PARP2: variants seen among roughly 807,000 people sequenced by gnomAD.
PARP2 encodes poly [ADP-ribose] polymerase 2.
A neutral mutation model predicts 77.8 loss-of-function variants in PARP2; 57 were observed. That is an observed-to-expected ratio of 0.73 (90% CI 0.59 to 0.91). PARP2 has a LOEUF of 0.91. Ranked by LOEUF, PARP2 falls within the 40% of genes least tolerant of loss-of-function variation. The pLI, the probability that PARP2 is intolerant of heterozygous loss-of-function variation, is 0.00. For missense variants in PARP2, 651 were observed against 689.0 expected, an observed-to-expected ratio of 0.94 and a Z score of 0.62; for synonymous variants, 226 against 242.6, an observed-to-expected ratio of 0.93 and a Z score of 0.64.
At chr14:20,343,811 T>G in intron 1 of PARP2, 124 bp downstream of exon 1, 1 of 1,019,362 alleles carries the variant, frequency 9.8e-7, no homozygotes, top group Non-Finnish European at 1.5e-6. Flanking sequence ...ACCAAACCAG[T>G]TGGGGTGCTA....
At position 20,346,920 on chromosome 14, in the gene PARP2, G is replaced by A; in HGVS notation, c.324+7G>A. 2 of 1,574,606 alleles carry A rather than the reference G, an allele frequency of 1.3e-6. No homozygotes were observed. The highest frequency in any genetic ancestry group is 1.7e-6 in the Non-Finnish European group (2 of 1,145,448). ...TGATGTCATGCTAAATCAGGTAAGA[G>A]GCAAGAAGAGGTGGCACCATTATAT... On this transcript the variant is annotated splice_region_variant and intron_variant, in intron 4 of 15. Transcript: ENST00000429687.
chr14:20,355,963 T>G lies in PARP2; in HGVS notation c.1033T>G (p.Leu345Val), dbSNP rs3093929. ...AGAGCTACAAAGCCCAGAACACCCA[T>G]TGGACCAACACTATAGAAACCTACA... is the stretch of plus-strand genomic sequence containing the variant. ...KTELQSPEHP[L>V]DQHYRNLHCA... The change falls in exon 11 of 16, where the codon TTG (leucine) becomes GTG (valine). Residue 345 changes from leucine to valine, a missense_variant. Leu to Val is a conservative substitution (Grantham distance 32, BLOSUM62 1). Coordinates refer to ENST00000429687, the MANE Select transcript of PARP2 (RefSeq NM_001042618.2). 6.2e-7 allele frequency: 1 copy of G among 1,613,978 alleles called. No individual in the cohort carries two copies. Among genetic ancestry groups the G allele is most frequent in the East Asian group, 2.2e-5 (1 of 44,902 alleles).
At chr14:20,347,616 G>A (rs1348886016) in intron 4 of PARP2, among the ~76,000 whole-genome samples, 2 of 147,980 alleles carry the variant, frequency 1.4e-5, no homozygotes, top group African/African-American at 5.0e-5. Flanking sequence ...TCACCATGTT[G>A]GCCAGGCTGG....
intron 3 of PARP2, among the ~76,000 whole-genome samples, 184 bp downstream of exon 3, chr14:20,345,648 G>T (rs1008316382): frequency 6.6e-6 from 1 of 152,160 alleles, no homozygotes; most frequent in Non-Finnish European, 1.5e-5. Flanking sequence ...AATAATCAGG[G>T]TGTTTTTTAA....
At position 20,355,826 on chromosome 14, in the gene PARP2, T is replaced by C. The variant is rs1462652277; in HGVS notation, c.966+11T>C. The C allele has an allele frequency of 6.2e-7, 1 of 1,613,148 alleles. No individual in the cohort carries two copies. The highest frequency in any genetic ancestry group is 1.7e-5 in the Admixed American group (1 of 60,010). ...ATACAATTACTAGAGGTGAGATATGTATGATTTGAGAAGTATTATATCCCT... is the reference window on the plus strand; with the variant it reads ...ATACAATTACTAGAGGTGAGATATGCATGATTTGAGAAGTATTATATCCCT... On this transcript the variant is annotated intron_variant, in intron 10 of 15. Transcript: ENST00000429687.
chr14:20,347,599 TG>T lies in PARP2; in HGVS notation c.324+690del, dbSNP rs1883815582. 2.0e-5 allele frequency among the ~76,000 whole-genome samples: 3 copies of T among 147,752 alleles called. No individual in the cohort carries two copies. In the Admixed American group the frequency reaches 2.0e-4, roughly 10 times the overall value. On this transcript the variant is annotated intron_variant, in intron 4 of 15. Coordinates refer to ENST00000429687, the MANE Select transcript of PARP2 (RefSeq NM_001042618.2). ...AATTTTTTGGTATTTTTAGTAGAGATGGGGTTTCACCATGTTGGCCAGGCTG... is the reference window on the plus strand; with the variant it reads ...AATTTTTTGGTATTTTTAGTAGAGATGGGTTTCACCATGTTGGCCAGGCTG...
intron 7 of PARP2, chr14:20,352,558 CTT>C (rs374239476): frequency 9.3e-6 from 2 of 215,654 alleles, no homozygotes; most frequent in South Asian, 1.4e-4. Context: ...GATTTTTTTT[CTT>C]TTTTTTTTGT....
At chr14:20,347,356 G>GTATACATATATATA in intron 4 of PARP2, among the ~76,000 whole-genome samples, 1 of 29,574 alleles carries the variant, frequency 3.4e-5, no homozygotes, top group African/African-American at 1.6e-4. Context: ...ATGTGTGTGT[G>GTATACATATATATA]TATATATATA....
rs1283794273 is a variant in PARP2 at position 20,356,424 on chromosome 14, C to A, written c.1219C>A (p.Leu407Ile). 1.2e-6 allele frequency: 2 copies of A among 1,614,052 alleles called. No homozygotes were observed. The highest frequency in any genetic ancestry group is 1.3e-5 in the African/African-American group (1 of 74,918). Reference protein sequence around the residue: ...DGEKEAFREDLHNRMLLWHGS... With the variant: ...DGEKEAFREDIHNRMLLWHGS... ...TGAGAAAGAAGCCTTCAGAGAGGAC[C>A]TTCATAACAGGTCTGAGTCTAGCTT... is the stretch of plus-strand genomic sequence containing the variant. The change falls in exon 12 of 16, where the codon CTT becomes ATT. Residue 407 changes from leucine to isoleucine, a missense_variant. Physicochemically the swap from Leu to Ile is conservative, Grantham distance 5. Transcript: ENST00000429687.
Position 20,357,076 on chromosome 14 carries a change from A to G in PARP2, c.1355A>G (p.Asp452Gly). ...YMFGKGIYFA[D>G]MSSKSANYCF... ...TTTGGGAAAGGAATCTACTTTGCTG[A>G]CATGTCTTCCAAGAGTGCCAATTAC... is the stretch of plus-strand genomic sequence containing the variant. The change falls in exon 14 of 16, where the codon GAC (aspartate) becomes GGC (glycine). Residue 452 changes from aspartate to glycine, a missense_variant. By Grantham distance (94) the Asp-to-Gly change is moderately conservative. Coordinates refer to ENST00000429687, the MANE Select transcript of PARP2 (RefSeq NM_001042618.2). 1 of 1,612,116 alleles carries G rather than the reference A, an allele frequency of 6.2e-7. No individual in the cohort carries two copies. The highest frequency in any genetic ancestry group is 1.1e-5 in the South Asian group (1 of 91,036).
chr14:20,346,625 T>C (rs1167999724), intron 3 of PARP2: 2 of 391,200 alleles, frequency 5.1e-6, no homozygotes, highest in Non-Finnish European at 9.5e-6. Context: ...TGAGCCACCA[T>C]GCGCAGCCTA....
Position 20,354,807 on chromosome 14 carries a change from A to C in PARP2, c.764-2A>C. On this transcript the variant is annotated splice_acceptor_variant, in intron 8 of 15. Transcript: ENST00000429687. LOFTEE classifies it high-confidence loss of function. ...GAGTCTGATCTCTGGGTGGGCCTGC[A>C]GGGAAGCTGACAGTGGCACAAATCA... The C allele has an allele frequency of 5.0e-6, 8 of 1,610,788 alleles. No homozygotes were observed. The highest frequency in any genetic ancestry group is 6.8e-6 in the Non-Finnish European group (8 of 1,178,410).
chr14:20,349,106 A>G (rs1883870430), intron 4 of PARP2, among the ~76,000 whole-genome samples: 1 of 152,190 alleles, frequency 6.6e-6, no homozygotes, highest in African/African-American at 2.4e-5. Flanking sequence ...TCGGAGGCCA[A>G]GGCTGGAGAA....
rs371893372 is a variant in PARP2 at position 20,356,366 on chromosome 14, C to G, written c.1161C>G (p.Thr387=). ...HAPTHSDYTM[T]LLDLFEVEKD... ...CCACACACAGCGACTATACCATGAC[C>G]TTGCTGGATTTGTTTGAAGTGGAGA... Residue 387 remains threonine (T), a synonymous_variant, in exon 12 of 16, where the codon ACC becomes ACG. Coordinates refer to ENST00000429687, the MANE Select transcript of PARP2 (RefSeq NM_001042618.2). 125 of 1,613,936 alleles carry G rather than the reference C, an allele frequency of 7.7e-5. 1 individual carries two copies. The highest frequency in any genetic ancestry group is 1.0e-4 in the Non-Finnish European group (119 of 1,179,954).
chr14:20,357,471 AC>A lies in PARP2; in HGVS notation c.1506del (p.Lys503ArgfsTer16), dbSNP rs773809323. ...AGGATTGCTTCAAGGTAAACATAGC[AC>A]CAAGGGGCTGGGCAAGATGGCTCCC... is the stretch of plus-strand genomic sequence containing the variant. ...AEGLLQGKHSTKGLGKMAPSS... is the reference protein window; with the variant it reads ...AEGLLQGKHSXKGLGKMAPSS... On this transcript the variant is annotated frameshift_variant, in exon 15 of 16. Transcript: ENST00000429687. LOFTEE classifies it high-confidence loss of function. The A allele has an allele frequency of 1.9e-6, 3 of 1,613,964 alleles. No homozygotes were observed. The highest frequency in any genetic ancestry group is 3.3e-4 in the Middle Eastern group (2 of 6,060).
chr14:20,351,054 A>G lies in PARP2; in HGVS notation c.429A>G (p.Lys143=). 1.2e-6 allele frequency: 2 copies of G among 1,613,888 alleles called. No homozygotes were observed. The highest frequency in any genetic ancestry group is 1.1e-5 in the South Asian group (1 of 91,064). ...SVWMRWGRVG[K]MGQHSLVACS... ...GTGGCATTTCCTTTGCAGTTGGGAA[A>G]ATGGGACAGCACAGCCTGGTGGCTT... The change falls in exon 6 of 16, where the codon AAA becomes AAG. Residue 143 remains lysine, a synonymous_variant. Transcript: ENST00000429687.
chr14:20,353,322 C>A (rs1410655857), intron 7 of PARP2, among the ~76,000 whole-genome samples: 1 of 151,664 alleles, frequency 6.6e-6, no homozygotes, highest in Non-Finnish European at 1.5e-5. Flanking sequence ...GCTCACTGCA[C>A]GCTCCGCCTC....
At chr14:20,356,069 C>G in intron 11 of PARP2, 38 bp downstream of exon 11, 1 of 1,601,076 alleles carries the variant, frequency 6.2e-7, no homozygotes, top group Non-Finnish European at 8.5e-7. Context: ...ATTCTTGCAC[C>G]CTTAACCACC....
chr14:20,344,767 C>T (rs1314124646), intron 1 of PARP2, among the ~76,000 whole-genome samples, 165 bp from the exon 2 acceptor site: 1 of 152,158 alleles, frequency 6.6e-6, no homozygotes, highest in East Asian at 1.9e-4. Context: ...GAGCCAAGAT[C>T]GCACCACTGC....
Sources: gnomAD v4.1 joint callset for allele counts (sites outside exome capture counted in the v4.1 genomes callset) on GRCh38, gnomAD v4.1.1 for gene constraint, MANE v1.5 for transcripts, NCBI Gene and HGNC (gene_info 2026-07-23, HGNC 2026-07-21) for gene names.